The following CIB3 variants were observed in gnomAD, a reference collection of about 807,000 sequenced individuals.
CIB3 encodes the protein calcium and integrin binding family member 3, also known as calcium and integrin-binding family member 3.
CIB3 carries 22 observed loss-of-function variants against 23.4 expected under a neutral mutation model. The observed-to-expected ratio is 0.94, with a 90% confidence interval of 0.67 to 1.34. CIB3 has a LOEUF of 1.34. Among genes scored for constraint, CIB3 ranks in the 40% most tolerant of loss-of-function variants. CIB3 has a pLI of 0.00. For synonymous variants in CIB3, 93 were observed against 95.8 expected (o/e 0.97, Z 0.17); for missense variants, 258 against 247.3 (o/e 1.04, Z -0.29).
chr19:16,168,933 A>G (rs1265262301), intron 3 of CIB3, among the ~76,000 whole-genome samples: 2 of 152,066 alleles, frequency 1.3e-5, no homozygotes, highest in African/African-American at 2.4e-5. Flanking sequence ...AACCCTACTC[A>G]CAGTCAGTTA....
At chr19:16,172,757 C>T (rs2091333846) in intron 2 of CIB3, among the ~76,000 whole-genome samples, 2 of 151,944 alleles carry the variant, frequency 1.3e-5, no homozygotes, top group African/African-American at 4.8e-5. Flanking sequence ...TAAGACCAGC[C>T]TGGGCAACAT....
chr19:16,162,627 G>A (rs947682795), intron 5 of CIB3, among the ~76,000 whole-genome samples: 13 of 151,942 alleles, frequency 8.6e-5, no homozygotes, highest in South Asian at 2.1e-4. Context: ...GGTGGCGGGC[G>A]CCTGTAATTC....
intron 4 of CIB3, among the ~76,000 whole-genome samples, chr19:16,166,389 CACG>C (rs2091305906): frequency 6.6e-6 from 1 of 152,140 alleles, no homozygotes; most frequent in African/African-American, 2.4e-5. Flanking sequence ...ATTTCTTGAA[CACG>C]TACTACGTAT....
chr19:16,168,524 T>A (rs907395455), intron 3 of CIB3, among the ~76,000 whole-genome samples: 1 of 152,140 alleles, frequency 6.6e-6, no homozygotes, highest in African/African-American at 2.4e-5. Context: ...GCAAGGCCAA[T>A]CAGAGAGTTC....
chr19:16,167,267 C>G (rs1308118732), intron 4 of CIB3, among the ~76,000 whole-genome samples: 1 of 151,992 alleles, frequency 6.6e-6, no homozygotes, highest in African/African-American at 2.4e-5. Flanking sequence ...TTATTGAGTG[C>G]ACACAAGGTG....
At chr19:16,162,642 T>C (rs1245882399) in intron 5 of CIB3, among the ~76,000 whole-genome samples, 1 of 151,382 alleles carries the variant, frequency 6.6e-6, no homozygotes, top group Non-Finnish European at 1.5e-5. Context: ...TAATTCCAGA[T>C]ACTCGGGAGG....
chr19:16,162,724 C>T (rs1238636337), intron 5 of CIB3, among the ~76,000 whole-genome samples: 1 of 151,874 alleles, frequency 6.6e-6, no homozygotes, highest in Non-Finnish European at 1.5e-5. Context: ...CACTGCACTC[C>T]ATCCTGGGTG....
chr19:16,168,641 CT>C (rs1446250221), intron 3 of CIB3, among the ~76,000 whole-genome samples: 2 of 152,270 alleles, frequency 1.3e-5, no homozygotes, highest in Non-Finnish European at 2.9e-5. Flanking sequence ...GGGAGGGGAC[CT>C]GATTACTGCT....
intron 4 of CIB3, among the ~76,000 whole-genome samples, chr19:16,165,151 GGT>G (rs1251344740): frequency 1.3e-5 from 2 of 151,922 alleles, no homozygotes; most frequent in East Asian, 3.9e-4. Context: ...AAAATACCCA[GGT>G]GTGGTGGCAT....
chr19:16,170,466 T>C lies in CIB3; in HGVS notation c.87-725A>G, dbSNP rs139748028. Among the ~76,000 whole-genome samples the C allele has an allele frequency of 2.0e-5, 3 of 152,310 alleles. No homozygotes were observed. In the East Asian group the frequency reaches 5.8e-4, roughly 29 times the overall value. On this transcript the variant is annotated intron_variant, in intron 2 of 5. Transcript: ENST00000269878. The stretch of plus-strand genomic sequence containing the variant: ...CACATCTCTGGATATTGTCATGTTA[T>C]CAGCAAGACCCTGCCTCCAAAGATA...
At chr19:16,167,000 G>C (rs1207042497) in intron 4 of CIB3, among the ~76,000 whole-genome samples, 1 of 152,186 alleles carries the variant, frequency 6.6e-6, no homozygotes, top group Non-Finnish European at 1.5e-5. Flanking sequence ...TGGATCACCT[G>C]AGGTCAGGAG....
intron 2 of CIB3, among the ~76,000 whole-genome samples, chr19:16,169,967 T>C (rs1301086645): frequency 1.3e-5 from 2 of 152,096 alleles, no homozygotes; most frequent in African/African-American, 4.8e-5. Flanking sequence ...GCCCGGCTAA[T>C]TCTTTTGTAT....
chr19:16,169,666 C>T lies in CIB3; in HGVS notation c.162G>A (p.Val54=). 6.2e-7 allele frequency: 1 copy of T among 1,613,842 alleles called. No individual in the cohort carries two copies. The highest frequency in any genetic ancestry group is 2.2e-5 in the East Asian group (1 of 44,874). The change falls in exon 3 of 6, where the codon GTG becomes GTA. Residue 54 remains valine (V), a synonymous_variant. Transcript: ENST00000269878. The stretch of plus-strand genomic sequence containing the variant: ...GCATGCTGCCAATGAGCTCGTAGGG[C>T]ACCTTCACATCGGGGCAGGTGGTAT... ...LDYTTCPDVK[V]PYELIGSMPE... is the part of the protein sequence containing the mutation.
rs937272091 is a variant in CIB3 at position 16,171,131 on chromosome 19, C to T, written c.87-1390G>A. 1.1e-4 allele frequency among the ~76,000 whole-genome samples: 16 copies of T among 147,076 alleles called. 1 individual carries two copies. The highest frequency in any genetic ancestry group is 4.0e-4 in the African/African-American group (16 of 39,660). ...CCAGCCTGGGCAACAGAATGAGACT[C>T]GGTCTCAATAAAAAAAATAAATAAA... On this transcript the variant is annotated intron_variant, in intron 2 of 5. Coordinates refer to ENST00000269878, the MANE Select transcript of CIB3 (RefSeq NM_054113.4).
chr19:16,165,850 G>T (rs913728748), intron 4 of CIB3, among the ~76,000 whole-genome samples: 1 of 152,080 alleles, frequency 6.6e-6, no homozygotes, highest in Non-Finnish European at 1.5e-5. Context: ...TATGTGTCAG[G>T]CATCACAGTA....
chr19:16,166,211 A>G (rs549297795), intron 4 of CIB3, among the ~76,000 whole-genome samples: 1 of 152,164 alleles, frequency 6.6e-6, no homozygotes, highest in Non-Finnish European at 1.5e-5. Context: ...GAATCGCTTG[A>G]ACCCAGGGAG....
intron 4 of CIB3, among the ~76,000 whole-genome samples, chr19:16,166,031 C>G (rs777620737): frequency 1.3e-5 from 2 of 152,086 alleles, no homozygotes; most frequent in Non-Finnish European, 2.9e-5. Context: ...GTGGCTCATG[C>G]CTGTAATCCC....
intron 2 of CIB3, among the ~76,000 whole-genome samples, chr19:16,171,499 G>A (rs933079862): frequency 6.6e-6 from 1 of 152,168 alleles, no homozygotes; most frequent in African/African-American, 2.4e-5. Flanking sequence ...ACTCAATGAA[G>A]GTGGGGTGGG....
intron 2 of CIB3, among the ~76,000 whole-genome samples, chr19:16,171,871 A>G (rs918113806): frequency 6.6e-6 from 1 of 152,192 alleles, no homozygotes; most frequent in East Asian, 1.9e-4. Context: ...TTACTACACA[A>G]CTGGGGCCTT....
Sources: allele counts gnomAD v4.1 joint callset (sites outside exome capture counted in the v4.1 genomes callset), GRCh38; gene constraint gnomAD v4.1.1; transcripts MANE v1.5; gene names NCBI Gene and HGNC (gene_info 2026-07-23, HGNC 2026-07-21).